Variants in CA4 observed in about 807,000 individuals in gnomAD.
CA4 encodes CA-IV.
CA4 carries 24 observed loss-of-function variants against 34.5 expected under a neutral mutation model. The observed-to-expected ratio is 0.70, with a 90% CI of 0.50 to 0.98. The LOEUF (loss-of-function observed/expected upper bound fraction) is 0.98. Ranked by LOEUF, CA4 falls within the 50% of genes least tolerant of loss-of-function variation. The pLI, the probability that CA4 is intolerant of heterozygous loss-of-function variation, is 0.00. For missense variants in CA4, 394 were observed against 396.7 expected (o/e 0.99, Z 0.06); for synonymous variants, 178 against 170.6 (o/e 1.04, Z -0.34).
chr17:60,154,230 G>T (rs1349066869), intron 1 of CA4, among the ~76,000 whole-genome samples: 7 of 149,366 alleles, frequency 4.7e-5, no homozygotes, highest in Non-Finnish European at 4.4e-5. Flanking sequence ...CTCCCAAAAG[G>T]AGGCCATGGG....
the CA4 span, among the ~76,000 whole-genome samples, chr17:60,176,446 C>T: frequency 1.3e-5 from 2 of 151,756 alleles, no homozygotes; most frequent in African/African-American, 4.8e-5. Context: ...CTTGGATCTC[C>T]CAGACAGACG....
At chr17:60,156,495 G>T in intron 2 of CA4, 65 bp from the exon 3 acceptor site, 1 of 1,526,960 alleles carries the variant, frequency 6.5e-7, no homozygotes, top group Non-Finnish European at 9.1e-7. Context: ...ACTTCAGTGG[G>T]GTGGTGGGGG....
downstream of CA4, among the ~76,000 whole-genome samples, chr17:60,161,241 G>T (rs1040436009): frequency 6.6e-6 from 1 of 152,008 alleles, no homozygotes; most frequent in African/African-American, 2.4e-5. Flanking sequence ...GGTGAGAGGG[G>T]GTCCAGGACA....
At chr17:60,150,559 G>C (rs542715056) in intron 1 of CA4, among the ~76,000 whole-genome samples, 11 of 147,460 alleles carry the variant, frequency 7.5e-5, no homozygotes, top group African/African-American at 2.7e-4. Flanking sequence ...TGTAATCCCA[G>C]CTACTCGGGA....
At chr17:60,174,010 CATT>C (rs1489915297), downstream of CA4, among the ~76,000 whole-genome samples, 8 of 152,152 alleles carry the variant, frequency 5.3e-5, no homozygotes, top group East Asian at 1.5e-3. Context: ...TTGAACATAA[CATT>C]ATTGTTATAT....
At chr17:60,167,923 C>G (rs1387021698) in intron 5 of CA4, among the ~76,000 whole-genome samples, 1 of 152,144 alleles carries the variant, frequency 6.6e-6, no homozygotes, top group Non-Finnish European at 1.5e-5. Context: ...CCCCTGAGGT[C>G]AAGCCACATC....
In CA4 at chr17:60,157,789, G is replaced by A. The variant is rs1465980897; in HGVS notation, c.513+1G>A. ...TGCGGTGCTGGCCTTTCTGGTGGAG[G>A]TGGGACTCCCATCCCCCACTTCCCG... On this transcript the variant is annotated splice_donor_variant, in intron 5 of 7. Transcript: ENST00000300900. LOFTEE classifies it high-confidence loss of function. The A allele has an allele frequency of 1.2e-6, 2 of 1,610,918 alleles. No individual in the cohort carries two copies. Among genetic ancestry groups the A allele is most frequent in the African/African-American group, 1.3e-5 (1 of 74,890 alleles).
chr17:60,159,231 T>C lies in CA4; in HGVS notation c.746T>C (p.Ile249Thr). ...REPIQLHREQ[I>T]LAFSQKLYYD... ...TGCTGAGCCCCATCACTTCCGCAGATCCTGGCATTCTCTCAGAAGCTGTAC... is the reference window on the plus strand; with the variant it reads ...TGCTGAGCCCCATCACTTCCGCAGACCCTGGCATTCTCTCAGAAGCTGTAC... The change falls in exon 8 of 8, where the codon ATC becomes ACC. Residue 249 changes from isoleucine to threonine, a missense_variant and splice_region_variant. By Grantham distance (89) the Ile-to-Thr change is moderately conservative (BLOSUM62 -1). Transcript: ENST00000300900. 3 of 1,598,514 alleles carry C rather than the reference T, an allele frequency of 1.9e-6. No homozygotes were observed. Among genetic ancestry groups the C allele is most frequent in the Non-Finnish European group, 1.7e-6 (2 of 1,172,594 alleles).
intron 5 of CA4, among the ~76,000 whole-genome samples, chr17:60,169,262 A>AAAAAAAAAAAAAAAAAAAGCAGC (rs1555574044): frequency 3.3e-5 from 5 of 149,744 alleles, no homozygotes; most frequent in African/African-American, 1.0e-4. Flanking sequence ...AAAAAAAAAA[A>AAAAAAAAAAAAAAAAAAAGCAGC]AGCAGCAGCA....
downstream of CA4, among the ~76,000 whole-genome samples, chr17:60,161,238 G>T (rs188605605): frequency 9.9e-5 from 15 of 152,144 alleles, no homozygotes; most frequent in Non-Finnish European, 2.1e-4. Context: ...GCTGGTGAGA[G>T]GGGGTCCAGG....
intron 5 of CA4, among the ~76,000 whole-genome samples, chr17:60,165,225 AG>A (rs899305440): frequency 6.6e-6 from 1 of 152,082 alleles, no homozygotes; most frequent in Non-Finnish European, 1.5e-5. Context: ...TTCCTATCCA[AG>A]GGAGAAAACT....
the CA4 span, among the ~76,000 whole-genome samples, chr17:60,176,403 C>A: frequency 6.6e-6 from 1 of 151,654 alleles, no homozygotes; most frequent in Non-Finnish European, 1.5e-5. Context: ...ACAGCTGTCA[C>A]CTTCATCTCT....
rs754003789 is a variant in CA4 at position 60,158,162 on chromosome 17, G to A, written c.580+35G>A. On this transcript the variant is annotated intron_variant, in intron 6 of 7. Coordinates refer to ENST00000300900, the MANE Select transcript of CA4 (RefSeq NM_000717.5). ...GATGGGGGAGAAGGGCTTGGGGTGAGGGGGGGGATTCCTCCCACAAAGGAA... is the reference window on the plus strand; with the variant it reads ...GATGGGGGAGAAGGGCTTGGGGTGAAGGGGGGGATTCCTCCCACAAAGGAA... 3.1e-6 allele frequency: 5 copies of A among 1,588,864 alleles called. 1 individual carries two copies. The South Asian group carries it at 4.4e-5, about 14-fold the overall frequency.
downstream of CA4, among the ~76,000 whole-genome samples, chr17:60,162,592 C>G (rs1262213385): frequency 6.6e-6 from 1 of 150,582 alleles, no homozygotes; most frequent in African/African-American, 2.5e-5. Flanking sequence ...CACACACCAG[C>G]CTTCACTCCT....
downstream of CA4, among the ~76,000 whole-genome samples, chr17:60,174,957 C>G (rs568898487): frequency 6.6e-6 from 1 of 152,230 alleles, no homozygotes; most frequent in African/African-American, 2.4e-5. Context: ...GGCTGGGAGG[C>G]CGAAGACCTC....
downstream of CA4, among the ~76,000 whole-genome samples, chr17:60,163,865 T>C (rs2083823092): frequency 6.6e-6 from 1 of 152,172 alleles, no homozygotes; most frequent in Non-Finnish European, 1.5e-5. Context: ...GCGCAGTGGC[T>C]CACACCTGTA....
chr17:60,155,895 C>A lies in CA4; in HGVS notation c.112+528C>A, dbSNP rs79594441. 7.8e-3 allele frequency among the ~76,000 whole-genome samples: 1,192 copies of A among 152,312 alleles called. 18 individuals carry two copies. The highest frequency in any genetic ancestry group is 0.027 in the African/African-American group (1,139 of 41,560). On this transcript the variant is annotated intron_variant, in intron 2 of 7. Coordinates refer to ENST00000300900, the MANE Select transcript of CA4 (RefSeq NM_000717.5). ...TCCCAGTGACACCCCTTGCAGGGTG[C>A]CTGAGTGATGGTCCTTTACGCTTTT...
chr17:60,156,754 G>A lies in CA4; in HGVS notation c.268+39G>A, dbSNP rs529469393. 180 of 1,596,386 alleles carry A rather than the reference G, an allele frequency of 1.1e-4. No individual in the cohort carries two copies. In the South Asian group the frequency reaches 1.5e-3, roughly 13 times the overall value. On this transcript the variant is annotated intron_variant, in intron 3 of 7. Transcript: ENST00000300900. ...AGGCCCCAGGCAGGCCTGGGCACCCGAGTTCCCCAAGGACTGAGAGGATGG... is the reference window on the plus strand; with the variant it reads ...AGGCCCCAGGCAGGCCTGGGCACCCAAGTTCCCCAAGGACTGAGAGGATGG...
chr17:60,169,028 C>G (rs1377545805), intron 5 of CA4, among the ~76,000 whole-genome samples: 3 of 152,076 alleles, frequency 2.0e-5, no homozygotes, highest in Non-Finnish European at 4.4e-5. Context: ...GGGCAGATCA[C>G]CTGAAGTCAG....
Sources: allele counts gnomAD v4.1 joint callset (sites outside exome capture counted in the v4.1 genomes callset), GRCh38; gene constraint gnomAD v4.1.1; transcripts MANE v1.5; gene names NCBI Gene and HGNC (gene_info 2026-07-23, HGNC 2026-07-21).